Variants in GPR39 observed in about 807,000 individuals in gnomAD.
The protein encoded by GPR39 is G protein-coupled receptor 39.
A neutral mutation model predicts 18.4 loss-of-function variants in GPR39; 23 were observed. That is an observed-to-expected ratio of 1.25 (90% CI 0.90 to 1.77). The LOEUF is 1.77. Among genes scored for constraint, GPR39 ranks in the 40% most tolerant of loss-of-function variants. The pLI is 0.00. For synonymous variants in GPR39, 280 were observed against 257.9 expected (o/e 1.09, Z -0.82); for missense variants, 647 against 602.4 (o/e 1.07, Z -0.78).
chr2:132,531,571 T>C (rs189396518), intron 1 of GPR39, among the ~76,000 whole-genome samples: 5 of 151,732 alleles, frequency 3.3e-5, no homozygotes, highest in African/African-American at 4.8e-5. Context: ...GCACCACACC[T>C]ATTCCAAAAT....
At chr2:132,494,141 G>A (rs1416335416) in intron 1 of GPR39, among the ~76,000 whole-genome samples, 3 of 151,952 alleles carry the variant, frequency 2.0e-5, no homozygotes, top group Admixed American at 6.5e-5. Context: ...GTTAAGAGAT[G>A]GGAGACAAGA....
At chr2:132,596,389 C>CAAT (rs761614675) in intron 1 of GPR39, among the ~76,000 whole-genome samples, 1 of 152,002 alleles carries the variant, frequency 6.6e-6, no homozygotes, top group Non-Finnish European at 1.5e-5. Context: ...AGTAAGTGCT[C>CAAT]AATAAATGGT....
At chr2:132,584,188 A>C (rs933595644) in intron 1 of GPR39, among the ~76,000 whole-genome samples, 1 of 152,150 alleles carries the variant, frequency 6.6e-6, no homozygotes, top group African/African-American at 2.4e-5. Context: ...CCTGTGGTGC[A>C]GAAGAAAAGG....
rs1573604957 is a variant in GPR39 at position 132,444,037 on chromosome 2, T to C, written c.856+26139T>C. Reference sequence around the variant, plus strand: ...TTGCAGTGAGCCATGATTGCCCCACTGCACTCCAGCCTAGGCAATAGAGTG... The same window carrying C: ...TTGCAGTGAGCCATGATTGCCCCACCGCACTCCAGCCTAGGCAATAGAGTG... On this transcript the variant is annotated intron_variant, in intron 1 of 1. Transcript: ENST00000329321. Among the ~76,000 whole-genome samples, 3 of 152,150 alleles carry C rather than the reference T, an allele frequency of 2.0e-5. No homozygotes were observed. In the South Asian group the frequency reaches 6.2e-4, roughly 32 times the overall value.
chr2:132,478,767 T>G (rs745380234), intron 1 of GPR39, among the ~76,000 whole-genome samples: 1 of 152,206 alleles, frequency 6.6e-6, no homozygotes, highest in Non-Finnish European at 1.5e-5. Context: ...AGAATTGTAT[T>G]TGAAATGTGC....
chr2:132,460,909 G>A (rs1680819971), intron 1 of GPR39, among the ~76,000 whole-genome samples: 1 of 152,172 alleles, frequency 6.6e-6, no homozygotes, highest in Non-Finnish European at 1.5e-5. Flanking sequence ...GCAAAGCCGA[G>A]AGCAGGCTGC....
intron 1 of GPR39, among the ~76,000 whole-genome samples, chr2:132,439,675 T>A (rs985923609): frequency 1.3e-5 from 2 of 152,210 alleles, no homozygotes; most frequent in Admixed American, 1.3e-4. Context: ...AGTGGTTCCA[T>A]TTCAGCACAG....
chr2:132,537,188 T>G (rs978163888), intron 1 of GPR39, among the ~76,000 whole-genome samples: 1 of 152,212 alleles, frequency 6.6e-6, no homozygotes, highest in Non-Finnish European at 1.5e-5. Flanking sequence ...TTGTGGTATG[T>G]TTTTGCAGTG....
intron 1 of GPR39, among the ~76,000 whole-genome samples, chr2:132,612,801 C>A (rs138301837): frequency 1.0e-3 from 157 of 152,282 alleles, no homozygotes; most frequent in Non-Finnish European, 1.9e-3. Flanking sequence ...ACTATTTTGG[C>A]TGTTTGCATT....
rs774216826 is a variant in GPR39, at chr2:132,576,950, TTG to T, written c.857-68149_857-68148del. On this transcript the variant is annotated intron_variant, in intron 1 of 1. Coordinates refer to ENST00000329321, the MANE Select transcript of GPR39 (RefSeq NM_001508.3). ...TTTGTTTGAATTTGTTTTCCTTATTTTGTTTTATTGATCTATATGACTATACC... is the reference window on the plus strand; with the variant it reads ...TTTGTTTGAATTTGTTTTCCTTATTTTTTTATTGATCTATATGACTATACC... Among the ~76,000 whole-genome samples the T allele has an allele frequency of 1.1e-4, 16 of 152,214 alleles. 1 individual carries two copies. Among genetic ancestry groups the T allele is most frequent in the Non-Finnish European group, 1.8e-4 (12 of 68,040 alleles).
intron 1 of GPR39, among the ~76,000 whole-genome samples, chr2:132,514,442 G>T (rs993268459): frequency 6.6e-6 from 1 of 152,120 alleles, no homozygotes; most frequent in Admixed American, 6.5e-5. Context: ...AGGGTCACAG[G>T]CTCCCCCGTG....
chr2:132,617,492 C>G lies in GPR39; in HGVS notation c.857-27609C>G, dbSNP rs1573700781. On this transcript the variant is annotated intron_variant, in intron 1 of 1. Transcript: ENST00000329321. Reference sequence around the variant, plus strand: ...TTAATTGCTGTCTTGATTTACATTTCTTTCATATATTAATAACTTTATTTT... The same window carrying G: ...TTAATTGCTGTCTTGATTTACATTTGTTTCATATATTAATAACTTTATTTT... Among the ~76,000 whole-genome samples, 4 of 152,194 alleles carry G rather than the reference C, an allele frequency of 2.6e-5. 1 individual carries two copies. In the South Asian group the frequency reaches 8.3e-4, roughly 32 times the overall value.
chr2:132,455,396 T>C (rs9753489), intron 1 of GPR39, among the ~76,000 whole-genome samples: 121,316 of 152,044 alleles, frequency 0.8, 49,243 homozygotes, highest in Non-Finnish European at 0.87. Context: ...GTCTTGCTAG[T>C]GGTCTATCAA....
Position 132,623,735 on chromosome 2 carries a change from C to G in GPR39, c.857-21366C>G, listed in dbSNP as rs537480797. On this transcript the variant is annotated intron_variant, in intron 1 of 1. Transcript: ENST00000329321. ...TTGTCTCTTCTAGCTGGAAACATTTCTGTGATGATTAAAGCAAAAATCCTG... is the reference window on the plus strand; with the variant it reads ...TTGTCTCTTCTAGCTGGAAACATTTGTGTGATGATTAAAGCAAAAATCCTG... 5.3e-5 allele frequency among the ~76,000 whole-genome samples: 8 copies of G among 152,274 alleles called. No individual in the cohort carries two copies. In the South Asian group the frequency reaches 1.7e-3, roughly 32 times the overall value.
chr2:132,554,712 G>C (rs1414294002), intron 1 of GPR39, among the ~76,000 whole-genome samples: 4 of 152,154 alleles, frequency 2.6e-5, no homozygotes, highest in East Asian at 3.9e-4. Flanking sequence ...GGGCTTAAAG[G>C]GGGAGGGAAA....
chr2:132,585,954 T>TG (rs1680719935), intron 1 of GPR39, among the ~76,000 whole-genome samples: 2 of 138,148 alleles, frequency 1.4e-5, no homozygotes, highest in African/African-American at 5.5e-5. Flanking sequence ...CCCGGTTTTT[T>TG]TTTTTTTTTT....
intron 1 of GPR39, among the ~76,000 whole-genome samples, chr2:132,467,573 A>G (rs1041600879): frequency 1.3e-5 from 2 of 152,236 alleles, no homozygotes; most frequent in African/African-American, 2.4e-5. Flanking sequence ...AAAAGTTGAA[A>G]AAAGAAAAGT....
At chr2:132,439,595 C>A (rs1680397898) in intron 1 of GPR39, among the ~76,000 whole-genome samples, 1 of 152,122 alleles carries the variant, frequency 6.6e-6, no homozygotes, top group Admixed American at 6.6e-5. Flanking sequence ...GAATGCCTTC[C>A]AGAAAAAGGA....
intron 1 of GPR39, among the ~76,000 whole-genome samples, chr2:132,458,434 C>G (rs984299629): frequency 4.4e-5 from 6 of 134,886 alleles, no homozygotes; most frequent in Non-Finnish European, 7.8e-5. Flanking sequence ...TACTTTACCT[C>G]TCTCTCTCTC....
Sources: gnomAD v4.1 joint callset for allele counts (sites outside exome capture counted in the v4.1 genomes callset) on GRCh38, gnomAD v4.1.1 for gene constraint, MANE v1.5 for transcripts, NCBI Gene and HGNC (gene_info 2026-07-23, HGNC 2026-07-21) for gene names.